The following CAMTA1 variants were observed in gnomAD, a reference collection of about 807,000 sequenced individuals.
CAMTA1 encodes the protein calmodulin-binding transcription activator 1.
CAMTA1 carries 27 observed loss-of-function variants against 170.9 expected under a neutral mutation model. That is an observed-to-expected ratio of 0.16 (90% CI 0.12 to 0.22). The LOEUF (loss-of-function observed/expected upper bound fraction) is 0.22. Ranked by LOEUF, CAMTA1 falls within the 10% of genes least tolerant of loss-of-function variation. The pLI is 1.00. For synonymous variants in CAMTA1, 833 were observed against 891.5 expected, an observed-to-expected ratio of 0.93 and a Z score of 1.17; for missense variants, 1,619 against 2,217.2, an observed-to-expected ratio of 0.73 and a Z score of 5.42.
intron 5 of CAMTA1, chr1:7,382,808 A>G (rs2087482635): frequency 6.6e-6 from 1 of 151,054 alleles, no homozygotes; most frequent in Non-Finnish European, 1.5e-5. Flanking sequence ...TTCTTAGCCT[A>G]GATAGATACT....
chr1:6,977,172 G>A (rs1364837093), intron 3 of CAMTA1, among the ~76,000 whole-genome samples: 1 of 152,104 alleles, frequency 6.6e-6, no homozygotes, highest in African/African-American at 2.4e-5. Flanking sequence ...CCTGCTGTTG[G>A]AAGTTGCAAC....
Position 7,609,518 on chromosome 1 carries a change from C to T in CAMTA1, c.511-30882C>T, listed in dbSNP as rs2095509394. Among the ~76,000 whole-genome samples, 1 of 152,214 alleles carries T rather than the reference C, an allele frequency of 6.6e-6. No homozygotes were observed. The highest frequency in any genetic ancestry group is 2.4e-5 in the African/African-American group (1 of 41,446). ...CCCAGCCTCCAGGCCCCCAGGGATG[C>T]TCAGGGCCTGCCACCCCTCTCTCAG... is the stretch of plus-strand genomic sequence containing the variant. On this transcript the variant is annotated intron_variant, in intron 6 of 22. Coordinates refer to ENST00000303635, the MANE Select transcript of CAMTA1 (RefSeq NM_015215.4). The surrounding 1 kb of genome is among the most constrained non-coding windows in gnomAD (Gnocchi z 4.4).
intron 5 of CAMTA1, among the ~76,000 whole-genome samples, chr1:7,327,953 T>G (rs1293821901): frequency 6.6e-6 from 1 of 150,844 alleles, no homozygotes; most frequent in Non-Finnish European, 1.5e-5. Context: ...TGTTTGTTTG[T>G]TTTTTTTTCC....
rs180995608 is a variant in CAMTA1 at position 7,113,314 on chromosome 1, C to T, written c.302+21943C>T. ...CCATGTGGGCTTGGGTTGGCCTTCC[C>T]GTATGTTTGCTTGGCCACGTGCCTG... On this transcript the variant is annotated intron_variant, in intron 4 of 22. Transcript: ENST00000303635. The surrounding 1 kb of genome is among the most constrained non-coding windows in gnomAD (Gnocchi z 4.5). 5.3e-5 allele frequency among the ~76,000 whole-genome samples: 8 copies of T among 152,336 alleles called. No homozygotes were observed. The highest frequency in any genetic ancestry group is 2.1e-4 in the South Asian group (1 of 4,822).
chr1:7,733,082 G>A (rs1198128044), intron 12 of CAMTA1, among the ~76,000 whole-genome samples: 2 of 151,998 alleles, frequency 1.3e-5, no homozygotes, highest in Non-Finnish European at 2.9e-5. Context: ...CATCCCTGTG[G>A]TCCCAGCTAC....
intron 5 of CAMTA1, among the ~76,000 whole-genome samples, chr1:7,419,012 TA>T (rs1416536304): frequency 1.1e-4 from 17 of 152,174 alleles, no homozygotes; most frequent in Admixed American, 5.2e-4. Context: ...TCACTCAAAT[TA>T]AAAGCCCAGT....
intron 5 of CAMTA1, among the ~76,000 whole-genome samples, chr1:7,393,910 T>C (rs939772507): frequency 1.3e-5 from 2 of 152,204 alleles, no homozygotes; most frequent in Admixed American, 6.5e-5. Context: ...TGAGATCAAC[T>C]TCTTAAGATT....
At position 7,562,399 on chromosome 1, in the gene CAMTA1, C is replaced by A. The variant is rs142872577; in HGVS notation, c.511-78001C>A. On this transcript the variant is annotated intron_variant, in intron 6 of 22. Coordinates refer to ENST00000303635, the MANE Select transcript of CAMTA1 (RefSeq NM_015215.4). The surrounding 1 kb of genome is among the most constrained non-coding windows in gnomAD (Gnocchi z 4.8). ...CTGGTGGCAGCAGCAGGGCAGGCCG[C>A]GGCAGCTCAGCTAATTTAAGCTTTG... Among the ~76,000 whole-genome samples, 5 of 152,274 alleles carry A rather than the reference C, an allele frequency of 3.3e-5. No individual in the cohort carries two copies. The highest frequency in any genetic ancestry group is 2.0e-4 in the Admixed American group (3 of 15,306).
At chr1:6,904,007 C>T (rs1449969413) in intron 3 of CAMTA1, among the ~76,000 whole-genome samples, 2 of 152,220 alleles carry the variant, frequency 1.3e-5, no homozygotes, top group African/African-American at 4.8e-5. Flanking sequence ...TGAGTTCAAA[C>T]GACATATCCA....
chr1:7,635,677 C>T lies in CAMTA1; in HGVS notation c.511-4723C>T, dbSNP rs1299421002. Among the ~76,000 whole-genome samples the T allele has an allele frequency of 1.3e-5, 2 of 151,958 alleles. No individual in the cohort carries two copies. Among genetic ancestry groups the T allele is most frequent in the African/African-American group, 4.8e-5 (2 of 41,338 alleles). On this transcript the variant is annotated intron_variant, in intron 6 of 22. Transcript: ENST00000303635. The surrounding 1 kb of genome is among the most constrained non-coding windows in gnomAD (Gnocchi z 4.4). ...CCCTGCCGTGACTCTCAGATCCAGG[C>T]CCAACCCGGGCATTCCTGCAGGCCG...
intron 22 of CAMTA1, among the ~76,000 whole-genome samples, chr1:7,765,632 G>A (rs1259236801): frequency 6.6e-6 from 1 of 152,182 alleles, no homozygotes; most frequent in African/African-American, 2.4e-5. Flanking sequence ...CACAAAACCT[G>A]TGTGAAGGAG....
At chr1:6,919,194 A>C (rs1681460893) in intron 3 of CAMTA1, among the ~76,000 whole-genome samples, 3 of 152,220 alleles carry the variant, frequency 2.0e-5, no homozygotes, top group Admixed American at 2.0e-4. Context: ...CTTAGGGAGC[A>C]AGGCATTTTT....
chr1:7,429,151 C>G (rs1473891744), intron 5 of CAMTA1, among the ~76,000 whole-genome samples: 1 of 152,212 alleles, frequency 6.6e-6, no homozygotes, highest in African/African-American at 2.4e-5. Flanking sequence ...CCACCACCTA[C>G]AGGGTGTATG....
chr1:6,921,870 G>T (rs1472424121), intron 3 of CAMTA1, among the ~76,000 whole-genome samples: 1 of 152,174 alleles, frequency 6.6e-6, no homozygotes, highest in Non-Finnish European at 1.5e-5. Context: ...CACAACACAT[G>T]GGAATTATGG....
At chr1:7,756,233 G>A (rs1248511287) in intron 22 of CAMTA1, among the ~76,000 whole-genome samples, 2 of 151,938 alleles carry the variant, frequency 1.3e-5, no homozygotes, top group African/African-American at 4.8e-5. Flanking sequence ...TGTGAGGTAA[G>A]TCACTGTACA....
At chr1:6,950,720 C>T (rs949184837) in intron 3 of CAMTA1, among the ~76,000 whole-genome samples, 5 of 151,786 alleles carry the variant, frequency 3.3e-5, no homozygotes, top group Non-Finnish European at 7.4e-5. Context: ...CCCCACCCCC[C>T]AGCCCCACCA....
chr1:7,076,091 ATTAGTGGAACT>A (rs1386918453), intron 3 of CAMTA1, among the ~76,000 whole-genome samples: 1 of 152,198 alleles, frequency 6.6e-6, no homozygotes, highest in Admixed American at 6.5e-5. Context: ...TCTCCAGGGA[ATTAGTGGAACT>A]TTAAAGATGA....
At chr1:7,600,932 T>C (rs1210374444) in intron 6 of CAMTA1, among the ~76,000 whole-genome samples, 1 of 151,600 alleles carries the variant, frequency 6.6e-6, no homozygotes, top group Non-Finnish European at 1.5e-5. Flanking sequence ...TTTCCCCACC[T>C]TTCCCCCCTT....
In CAMTA1 at chr1:7,612,570, G is replaced by A. The variant is rs533451858; in HGVS notation, c.511-27830G>A. Among the ~76,000 whole-genome samples the A allele has an allele frequency of 1.2e-4, 18 of 152,258 alleles. No homozygotes were observed. In the South Asian group the frequency reaches 2.3e-3, roughly 19 times the overall value. ...GCTGCAGGTTTCCAGGCTTGAGGGC[G>A]GGGCCTTTGCTGGGGAACTGCCCTC... On this transcript the variant is annotated intron_variant, in intron 6 of 22. Transcript: ENST00000303635.
Sources: allele counts gnomAD v4.1 joint callset (sites outside exome capture counted in the v4.1 genomes callset), GRCh38; gene constraint gnomAD v4.1.1; non-coding constraint Gnocchi (gnomAD v3.1); transcripts MANE v1.5; gene names NCBI Gene and HGNC (gene_info 2026-07-23, HGNC 2026-07-21).